Variants in CNTNAP5 observed in about 807,000 individuals in gnomAD.
The protein encoded by CNTNAP5 is contactin associated protein family member 5.
CNTNAP5 carries 72 observed loss-of-function variants against 150.2 expected under a neutral mutation model. The ratio of observed to expected loss-of-function variants is 0.48; its 90% confidence interval spans 0.40 to 0.58. The LOEUF is 0.58. Among genes scored for constraint, CNTNAP5 ranks in the 20% least tolerant of loss-of-function variants. The pLI is 0.00. For missense variants in CNTNAP5, 1,636 were observed against 1,626.2 expected (o/e 1.01, Z -0.10); for synonymous variants, 672 against 619.8 (o/e 1.08, Z -1.25).
At chr2:124,167,898 G>A (rs1057499658) in intron 1 of CNTNAP5, among the ~76,000 whole-genome samples, 2 of 152,092 alleles carry the variant, frequency 1.3e-5, no homozygotes, top group Non-Finnish European at 2.9e-5. Context: ...AGAAAGGGAG[G>A]GAGTACCAGA....
At chr2:124,461,617 T>A (rs1370182832) in intron 6 of CNTNAP5, among the ~76,000 whole-genome samples, 13 of 151,732 alleles carry the variant, frequency 8.6e-5, no homozygotes, top group Non-Finnish European at 1.9e-4. Flanking sequence ...GCATGGCACA[T>A]GTATACATAT....
At chr2:124,167,956 A>G (rs1684844730) in intron 1 of CNTNAP5, among the ~76,000 whole-genome samples, 1 of 152,294 alleles carries the variant, frequency 6.6e-6, no homozygotes, top group Admixed American at 6.5e-5. Flanking sequence ...AGAGCCAGGA[A>G]GGAGGCACGT....
At chr2:124,124,704 C>G (rs910157579) in intron 1 of CNTNAP5, among the ~76,000 whole-genome samples, 1 of 152,236 alleles carries the variant, frequency 6.6e-6, no homozygotes, top group African/African-American at 2.4e-5. Flanking sequence ...ATCAGACTAA[C>G]AGCAGATCTC....
At chr2:124,419,163 A>AAAAAAAAAC (rs1692017234) in intron 4 of CNTNAP5, among the ~76,000 whole-genome samples, 3 of 131,290 alleles carry the variant, frequency 2.3e-5, no homozygotes, top group African/African-American at 8.5e-5. Flanking sequence ...AAAAAAAAAA[A>AAAAAAAAAC]CAGTATGAAG....
At chr2:124,508,165 A>C (rs1340879988) in intron 8 of CNTNAP5, among the ~76,000 whole-genome samples, 1 of 152,224 alleles carries the variant, frequency 6.6e-6, no homozygotes, top group African/African-American at 2.4e-5. Flanking sequence ...TTGAGTAGCT[A>C]TTTAACACAT....
intron 1 of CNTNAP5, among the ~76,000 whole-genome samples, chr2:124,194,366 CATAT>C (rs1189694569): frequency 4.6e-4 from 47 of 101,194 alleles, no homozygotes; most frequent in African/African-American, 1.6e-3. Flanking sequence ...TAAATTAGGT[CATAT>C]ATATATATAT....
chr2:124,391,791 T>TAA (rs200286769), intron 3 of CNTNAP5, among the ~76,000 whole-genome samples: 8 of 151,966 alleles, frequency 5.3e-5, no homozygotes, highest in Admixed American at 2.6e-4. Flanking sequence ...CCGTCTCTAC[T>TAA]AAAAAATACA....
chr2:124,453,984 A>G (rs1201988107), intron 6 of CNTNAP5, among the ~76,000 whole-genome samples: 1 of 152,148 alleles, frequency 6.6e-6, no homozygotes, highest in Non-Finnish European at 1.5e-5. Context: ...AATTGAAAAA[A>G]CAAAAACAAA....
chr2:124,552,468 ATCT>A (rs1177925795), intron 10 of CNTNAP5, among the ~76,000 whole-genome samples: 3 of 152,122 alleles, frequency 2.0e-5, no homozygotes, highest in Non-Finnish European at 4.4e-5. Context: ...ATATCTGAAC[ATCT>A]TCTTTTGTCC....
intron 6 of CNTNAP5, among the ~76,000 whole-genome samples, chr2:124,474,272 T>C (rs1026242912): frequency 6.6e-6 from 1 of 152,106 alleles, no homozygotes; most frequent in African/African-American, 2.4e-5. Context: ...TTCATCATTA[T>C]AGATGACAAT....
At chr2:124,860,972 AGAAC>A (rs1287360421) in intron 19 of CNTNAP5, among the ~76,000 whole-genome samples, 1 of 151,998 alleles carries the variant, frequency 6.6e-6, no homozygotes, top group Admixed American at 6.6e-5. Flanking sequence ...TCATTTACTG[AGAAC>A]AGGAAAAGTT....
intron 21 of CNTNAP5, among the ~76,000 whole-genome samples, chr2:124,894,742 C>T (rs939463011): frequency 6.6e-5 from 10 of 150,902 alleles, no homozygotes; most frequent in South Asian, 2.1e-4. Flanking sequence ...TTTATAGAGA[C>T]GAGTCTTGAC....
chr2:124,846,027 T>C (rs1683041043), intron 19 of CNTNAP5, among the ~76,000 whole-genome samples: 1 of 152,092 alleles, frequency 6.6e-6, no homozygotes, highest in South Asian at 2.1e-4. Flanking sequence ...TGATCTTTGT[T>C]ATTTCTTTTC....
intron 4 of CNTNAP5, among the ~76,000 whole-genome samples, chr2:124,426,675 G>A (rs1692245625): frequency 6.6e-6 from 1 of 152,150 alleles, no homozygotes; most frequent in Admixed American, 6.5e-5. Context: ...TGGCCCACTT[G>A]GGGATTCAAG....
At chr2:124,672,968 C>T (rs1004433222) in intron 13 of CNTNAP5, among the ~76,000 whole-genome samples, 1 of 151,912 alleles carries the variant, frequency 6.6e-6, no homozygotes, top group Non-Finnish European at 1.5e-5. Flanking sequence ...ACCCAGAATG[C>T]ATCACAGAGC....
chr2:124,752,002 C>A (rs943620923), intron 14 of CNTNAP5, among the ~76,000 whole-genome samples: 2 of 152,096 alleles, frequency 1.3e-5, no homozygotes, highest in Non-Finnish European at 2.9e-5. Flanking sequence ...GCAGAGTAGG[C>A]ATTTTAGCTG....
intron 17 of CNTNAP5, among the ~76,000 whole-genome samples, chr2:124,781,440 AT>A (rs1681448944): frequency 6.6e-6 from 1 of 152,152 alleles, no homozygotes; most frequent in Admixed American, 6.5e-5. Flanking sequence ...GTGAAATAAG[AT>A]TAATTTGCAG....
chr2:124,609,665 CT>C, intron 11 of CNTNAP5, 135 bp from the exon 12 acceptor site: 1 of 889,798 alleles, frequency 1.1e-6, no homozygotes, highest in South Asian at 2.1e-5. Flanking sequence ...TGTGTTAAGG[CT>C]TGGGGAAAAA....
At chr2:124,174,110 GA>G (rs3063417) in intron 1 of CNTNAP5, among the ~76,000 whole-genome samples, 107,575 of 142,940 alleles carry the variant, frequency 0.75, 40,546 homozygotes, top group Admixed American at 0.78. Context: ...TACTGCTCAG[GA>G]AAAAAAAAAA....
Sources: gnomAD v4.1 joint callset for allele counts (sites outside exome capture counted in the v4.1 genomes callset) on GRCh38, gnomAD v4.1.1 for gene constraint, MANE v1.5 for transcripts, NCBI Gene and HGNC (gene_info 2026-07-23, HGNC 2026-07-21) for gene names.